APOC2: variants seen among roughly 807,000 people sequenced by gnomAD.
APOC2 encodes the protein apolipoprotein C2.
In APOC2, 6 loss-of-function variants were observed where a neutral mutation model predicts 10.2. The ratio of observed to expected loss-of-function variants is 0.59; its 90% CI spans 0.32 to 1.16. The LOEUF is 1.16. Ranked by LOEUF, APOC2 falls within the 50% of genes most tolerant of loss-of-function variation. APOC2 has a pLI of 0.05. For missense variants in APOC2, 110 were observed against 117.6 expected (o/e 0.94, Z 0.30); for synonymous variants, 56 against 48.5 (o/e 1.15, Z -0.64).
chr19:44,948,729 A>G lies in APOC2; in HGVS notation c.84A>G (p.Gln28=), dbSNP rs781606926. ...TCCAGGGGACCCAACAGCCCCAGCA[A>G]GATGAGATGCCTAGCCCGACCTTCC... ...FEVQGTQQPQ[Q]DEMPSPTFLT... is the part of the protein sequence containing the mutation. The change falls in exon 3 of 4, where the codon CAA becomes CAG. Residue 28 remains glutamine (Q), a synonymous_variant. Transcript: ENST00000252490. 9 of 1,614,040 alleles carry G rather than the reference A, an allele frequency of 5.6e-6. No individual in the cohort carries two copies. In the Admixed American group the frequency reaches 1.2e-4, roughly 21 times the overall value.
At chr19:44,947,936 G>A (rs1295969279) in intron 1 of APOC2, among the ~76,000 whole-genome samples, 3 of 152,238 alleles carry the variant, frequency 2.0e-5, no homozygotes, top group Admixed American at 6.5e-5. Context: ...GGGCATGGTG[G>A]CAGGTGCTTG....
Position 44,949,305 on chromosome 19 carries a change from C to A in APOC2, c.*56C>A. The A allele has an allele frequency of 1.4e-6, 2 of 1,402,892 alleles. No homozygotes were observed. Among genetic ancestry groups the A allele is most frequent in the Non-Finnish European group, 1.0e-6 (1 of 998,692 alleles). 86.9% of individuals were successfully genotyped at this position (1,402,892 alleles called of 1,614,324 possible). On this transcript the variant is annotated 3_prime_UTR_variant, in exon 4 of 4. Transcript: ENST00000252490. ...AGAGTCCCCTACTCCCCTGATCCCC[C>A]AGGTTCAGACTGAGCTCCCCCTTCC...
At chr19:44,948,202 C>T (rs748663557) in intron 1 of APOC2, 142 of 363,770 alleles carry the variant, frequency 3.9e-4, no homozygotes, top group African/African-American at 2.8e-3. Context: ...CACCACTGCA[C>T]TCCAGCCTGG....
chr19:44,948,593 C>G lies in APOC2; in HGVS notation c.55+60C>G, dbSNP rs1970348406. On this transcript the variant is annotated intron_variant, in intron 2 of 3. Coordinates refer to ENST00000252490, the MANE Select transcript of APOC2 (RefSeq NM_000483.5). ...GAGGGGAATGAGCTCCAAGCATCTT[C>G]CCAGCCCAGGCCCTTCTTACCTCTG... The G allele has an allele frequency of 5.0e-6, 8 of 1,605,140 alleles. No individual in the cohort carries two copies. In the South Asian group the frequency reaches 7.7e-5, roughly 15 times the overall value.
rs760962787 is a variant in APOC2 at position 44,948,478 on chromosome 19, T to G, written c.-1T>G. 1 of 1,613,818 alleles carries G rather than the reference T, an allele frequency of 6.2e-7. No individual in the cohort carries two copies. The highest frequency in any genetic ancestry group is 8.5e-7 in the Non-Finnish European group (1 of 1,179,936). ...CTCAATGTTCCAGGTCTCTGGACAC[T>G]ATGGGCACACGACTCCTCCCAGCTC... On this transcript the variant is annotated 5_prime_UTR_variant, in exon 2 of 4. Transcript: ENST00000252490.
chr19:44,946,232 T>TGAGA (rs1420649260), intron 1 of APOC2, among the ~76,000 whole-genome samples, 157 bp downstream of exon 1: 2 of 120,338 alleles, frequency 1.7e-5, no homozygotes, highest in African/African-American at 3.1e-5. Flanking sequence ...TGTGTGTGTG[T>TGAGA]GTGAGAGAGA....
At position 44,948,861 on chromosome 19, in the gene APOC2, G is replaced by C. The variant is rs1970352230; in HGVS notation, c.215+1G>C. On this transcript the variant is annotated splice_donor_variant, in intron 3 of 3. Coordinates refer to ENST00000252490, the MANE Select transcript of APOC2 (RefSeq NM_000483.5). LOFTEE classifies it high-confidence loss of function. Reference sequence around the variant, plus strand: ...TGCCCGCTGTAGATGAGAAACTCAGGTAGCACCTGCCCCTGGAGAAATGGG... The same window carrying C: ...TGCCCGCTGTAGATGAGAAACTCAGCTAGCACCTGCCCCTGGAGAAATGGG... 2 of 1,611,794 alleles carry C rather than the reference G, an allele frequency of 1.2e-6. No individual in the cohort carries two copies. Among genetic ancestry groups the C allele is most frequent in the Non-Finnish European group, 1.7e-6 (2 of 1,179,994 alleles).
chr19:44,948,904 G>C, intron 3 of APOC2, 44 bp downstream of exon 3: 3 of 1,605,906 alleles, frequency 1.9e-6, no homozygotes, highest in South Asian at 1.1e-5. Context: ...CCATACCACC[G>C]ACTGCATCCA....
In APOC2 at chr19:44,949,466, G is replaced by A; in HGVS notation, c.*217G>A. ...AAGATGGAGGGGCTGACTCAGTCCAGCCAACATTTAATGAGCACCTACTTT... is the reference window on the plus strand; with the variant it reads ...AAGATGGAGGGGCTGACTCAGTCCAACCAACATTTAATGAGCACCTACTTT... On this transcript the variant is annotated 3_prime_UTR_variant, in exon 4 of 4. Coordinates refer to ENST00000252490, the MANE Select transcript of APOC2 (RefSeq NM_000483.5). 1.7e-6 allele frequency: 1 copy of A among 591,812 alleles called. No homozygotes were observed. Among genetic ancestry groups the A allele is most frequent in the Non-Finnish European group, 3.0e-6 (1 of 329,362 alleles). The allele number at this position is 591,812 out of a possible 1,614,324, so 36.7% of individuals were successfully genotyped here.
intron 1 of APOC2, among the ~76,000 whole-genome samples, 159 bp downstream of exon 1, chr19:44,946,234 T>TGAGAGAGAGA (rs1555793404): frequency 4.5e-5 from 6 of 132,836 alleles, no homozygotes; most frequent in African/African-American, 1.8e-4. Context: ...TGTGTGTGTG[T>TGAGAGAGAGA]GAGAGAGAGA....
intron 3 of APOC2, 47 bp downstream of exon 3, chr19:44,948,907 T>C: frequency 6.2e-7 from 1 of 1,605,486 alleles, no homozygotes; most frequent in Non-Finnish European, 8.5e-7. Flanking sequence ...TACCACCGAC[T>C]GCATCCAGGA....
Position 44,949,454 on chromosome 19 carries a change from T to A in APOC2, c.*205T>A, listed in dbSNP as rs186152230. On this transcript the variant is annotated 3_prime_UTR_variant, in exon 4 of 4. Coordinates refer to ENST00000252490, the MANE Select transcript of APOC2 (RefSeq NM_000483.5). The stretch of plus-strand genomic sequence containing the variant: ...GACTCAAGGGCCAAGATGGAGGGGC[T>A]GACTCAGTCCAGCCAACATTTAATG... 4 of 608,628 alleles carry A rather than the reference T, an allele frequency of 6.6e-6. No individual in the cohort carries two copies. Among genetic ancestry groups the A allele is most frequent in the Non-Finnish European group, 1.2e-5 (4 of 337,370 alleles). 37.7% of individuals were successfully genotyped at this position (608,628 alleles called of 1,614,324 possible). A position where few individuals can be genotyped will look rare whatever the true frequency, so the allele number is the denominator to read the frequency against.
At position 44,948,870 on chromosome 19, in the gene APOC2, G is replaced by A. The variant is rs1033948087; in HGVS notation, c.215+10G>A. 4 of 1,610,530 alleles carry A rather than the reference G, an allele frequency of 2.5e-6. No homozygotes were observed. The Admixed American group carries it at 5.0e-5, about 20-fold the overall frequency. ...TAGATGAGAAACTCAGGTAGCACCT[G>A]CCCCTGGAGAAATGGGGTCTGGCCC... On this transcript the variant is annotated intron_variant, in intron 3 of 3. Coordinates refer to ENST00000252490, the MANE Select transcript of APOC2 (RefSeq NM_000483.5).
Position 44,949,471 on chromosome 19 carries a change from C to CAAG in APOC2, c.*223_*224insAGA. ...GGAGGGGCTGACTCAGTCCAGCCAA[C>CAAG]ATTTAATGAGCACCTACTTTATGTA... is the stretch of plus-strand genomic sequence containing the variant. On this transcript the variant is annotated 3_prime_UTR_variant, in exon 4 of 4. Coordinates refer to ENST00000252490, the MANE Select transcript of APOC2 (RefSeq NM_000483.5). 1 of 587,400 alleles carries CAAG rather than the reference C, an allele frequency of 1.7e-6. No homozygotes were observed. The highest frequency in any genetic ancestry group is 3.1e-6 in the Non-Finnish European group (1 of 327,062). 36.4% of individuals were successfully genotyped at this position (587,400 alleles called of 1,614,324 possible). A position where few individuals can be genotyped will look rare whatever the true frequency, so the allele number is the denominator to read the frequency against.
intron 1 of APOC2, among the ~76,000 whole-genome samples, 169 bp downstream of exon 1, chr19:44,946,244 A>AGG (rs1970320235): frequency 6.8e-6 from 1 of 146,422 alleles, no homozygotes; most frequent in Non-Finnish European, 1.5e-5. Flanking sequence ...TGAGAGAGAG[A>AGG]GAGAGGGAGA....
intron 3 of APOC2, 32 bp downstream of exon 3, chr19:44,948,892 G>A: frequency 1.2e-6 from 2 of 1,607,616 alleles, no homozygotes; most frequent in Non-Finnish European, 1.7e-6. Flanking sequence ...ATGGGGTCTG[G>A]CCCATACCAC....
chr19:44,947,354 TAGGGCAGAGCCCTAAGGTAA>T (rs1345802669), intron 1 of APOC2: 2 of 152,294 alleles, frequency 1.3e-5, no homozygotes, highest in African/African-American at 4.8e-5. Context: ...AGGTCTGACT[TAGGGCAGAGCCCTAAGGTAA>T]CACATTTGAT....
Position 44,949,283 on chromosome 19 carries a change from G to C in APOC2, c.*34G>C. 6.4e-7 allele frequency: 1 copy of C among 1,551,382 alleles called. No individual in the cohort carries two copies. Among genetic ancestry groups the C allele is most frequent in the Non-Finnish European group, 8.9e-7 (1 of 1,126,804 alleles). ...CCCCCCATCAGTGGACAAGGGGAGAGTCCCCTACTCCCCTGATCCCCCAGG... is the reference window on the plus strand; with the variant it reads ...CCCCCCATCAGTGGACAAGGGGAGACTCCCCTACTCCCCTGATCCCCCAGG... On this transcript the variant is annotated 3_prime_UTR_variant, in exon 4 of 4. Coordinates refer to ENST00000252490, the MANE Select transcript of APOC2 (RefSeq NM_000483.5).
Position 44,949,098 on chromosome 19 carries a change from A to C in APOC2, c.216-61A>C, listed in dbSNP as rs180809422. On this transcript the variant is annotated intron_variant, in intron 3 of 3. Transcript: ENST00000252490. Reference sequence around the variant, plus strand: ...CCAGGTCCCCAGACCCTCCTCCCTCAGACCCAGGAGTCCAGGCCCCCAGCC... The same window carrying C: ...CCAGGTCCCCAGACCCTCCTCCCTCCGACCCAGGAGTCCAGGCCCCCAGCC... 7.6e-4 allele frequency: 1,111 copies of C among 1,464,694 alleles called. 12 individuals carry two copies. In the African/African-American group the frequency reaches 0.013, roughly 17 times the overall value. The allele number at this position is 1,464,694 out of a possible 1,614,324, so 90.7% of individuals were successfully genotyped here.
Sources: allele counts gnomAD v4.1 joint callset (sites outside exome capture counted in the v4.1 genomes callset), GRCh38; gene constraint gnomAD v4.1.1; transcripts MANE v1.5; gene names NCBI Gene and HGNC (gene_info 2026-07-23, HGNC 2026-07-21).